ARID4B: variants seen among roughly 807,000 people sequenced by gnomAD.
ARID4B encodes AT-rich interactive domain-containing protein 4B.
In ARID4B, 26 loss-of-function variants were observed where a neutral mutation model predicts 147.5. The observed-to-expected ratio is 0.18, with a 90% confidence interval of 0.13 to 0.24. ARID4B has a LOEUF of 0.24. ARID4B is among the 10% of genes least tolerant of loss of function. The pLI, the probability that ARID4B is intolerant of heterozygous loss-of-function variation, is 1.00. For synonymous variants in ARID4B, 512 were observed against 507.9 expected, an observed-to-expected ratio of 1.01 and a Z score of -0.11; for missense variants, 1,179 against 1,511.5, an observed-to-expected ratio of 0.78 and a Z score of 3.65.
intron 9 of ARID4B, among the ~76,000 whole-genome samples, chr1:235,231,870 G>A (rs892612731): frequency 1.3e-5 from 2 of 152,174 alleles, no homozygotes; most frequent in African/African-American, 2.4e-5. Flanking sequence ...CACTTTGGGA[G>A]GTCAAGGTGG....
intron 2 of ARID4B, among the ~76,000 whole-genome samples, chr1:235,309,499 G>GA (rs935552787): frequency 6.8e-6 from 1 of 147,660 alleles, no homozygotes; most frequent in African/African-American, 2.5e-5. Context: ...GCCCCTACTG[G>GA]AAAGTGAGGA....
chr1:235,174,079 G>A (rs1362667416), intron 22 of ARID4B, among the ~76,000 whole-genome samples: 3 of 148,440 alleles, frequency 2.0e-5, no homozygotes, highest in Admixed American at 6.8e-5. Flanking sequence ...TCACTCTGTC[G>A]CCCAGGCTGG....
rs928728010 is a variant in ARID4B, at chr1:235,167,628, A to C, written c.*897T>G. The C allele has an allele frequency of 4.8e-6, 1 of 210,512 alleles. No homozygotes were observed. Among genetic ancestry groups the C allele is most frequent in the Non-Finnish European group, 9.7e-6 (1 of 103,468 alleles). The allele number at this position is 210,512 out of a possible 1,614,324, so 13.0% of individuals were successfully genotyped here. A position where few individuals can be genotyped will look rare whatever the true frequency, so the allele number is the denominator to read the frequency against. On this transcript the variant is annotated 3_prime_UTR_variant, in exon 24 of 24. Transcript: ENST00000264183. ...TGAAGTCCTTTTGTTGTAGCTCATA[A>C]TAAAATAAGCAATACAAATGAATTA...
Position 235,196,092 on chromosome 1 carries a change from T to C in ARID4B, c.1865A>G (p.Asp622Gly), listed in dbSNP as rs143432745. ...NVRYDEWIKA[D>G]KIVRPADKNV... ...TTTATCAGCAGGTCTTACTATTTTA[T>C]CTGCTTTAATCCATTCATCGTATCT... The change falls in exon 18 of 24, where the codon GAT (aspartate) becomes GGT (glycine). Residue 622 changes from aspartate to glycine, a missense_variant. Physicochemically the swap from Asp to Gly is moderately conservative, Grantham distance 94. Transcript: ENST00000264183. 1 of 1,578,986 alleles carries C rather than the reference T, an allele frequency of 6.3e-7. No homozygotes were observed. Among genetic ancestry groups the C allele is most frequent in the Non-Finnish European group, 8.6e-7 (1 of 1,159,986 alleles).
chr1:235,258,956 A>T (rs951396099), intron 3 of ARID4B, among the ~76,000 whole-genome samples: 2 of 152,210 alleles, frequency 1.3e-5, no homozygotes, highest in Non-Finnish European at 2.9e-5. Context: ...AAATATATTA[A>T]CTTTGAATCA....
intron 7 of ARID4B, among the ~76,000 whole-genome samples, chr1:235,240,832 C>G (rs1444773335): frequency 1.3e-5 from 2 of 152,112 alleles, no homozygotes; most frequent in Admixed American, 1.3e-4. Context: ...AATTCTATAT[C>G]TCCAGTACAA....
Position 235,236,761 on chromosome 1 carries a change from C to A in ARID4B, c.586-2269G>T, listed in dbSNP as rs550623032. On this transcript the variant is annotated intron_variant, in intron 8 of 23. Coordinates refer to ENST00000264183, the MANE Select transcript of ARID4B (RefSeq NM_016374.6). ...CTCCTGACCTCAAGTGATCTGCCCA[C>A]CTCGGCCTCCCAAAGTGCTGGGATT... Among the ~76,000 whole-genome samples the A allele has an allele frequency of 7.0e-5, 10 of 143,732 alleles. 1 individual carries two copies. Among genetic ancestry groups the A allele is most frequent in the Admixed American group, 3.7e-4 (5 of 13,694 alleles). The allele number at this position is 143,732 out of a possible 152,430, so 94.3% of individuals were successfully genotyped here.
chr1:235,234,675 A>G (rs1208350876), intron 8 of ARID4B, among the ~76,000 whole-genome samples, 183 bp from the exon 9 acceptor site: 1 of 152,196 alleles, frequency 6.6e-6, no homozygotes, highest in Non-Finnish European at 1.5e-5. Flanking sequence ...GGCATCCTAC[A>G]TCCTTCCAGC....
intron 2 of ARID4B, among the ~76,000 whole-genome samples, chr1:235,288,189 G>A (rs1023400992): frequency 6.6e-6 from 1 of 152,132 alleles, no homozygotes; most frequent in African/African-American, 2.4e-5. Context: ...GTGGGCACCT[G>A]TAGTCACAGC....
intron 2 of ARID4B, among the ~76,000 whole-genome samples, chr1:235,302,180 G>A (rs1360345852): frequency 5.5e-3 from 218 of 39,320 alleles, no homozygotes; most frequent in Middle Eastern, 0.02. Context: ...AAAAAAAACA[G>A]CAAAAAAAAA....
chr1:235,219,882 T>C lies in ARID4B; in HGVS notation c.1494A>G (p.Glu498=). 6.2e-7 allele frequency: 1 copy of C among 1,602,826 alleles called. No individual in the cohort carries two copies. Among genetic ancestry groups the C allele is most frequent in the Non-Finnish European group, 8.5e-7 (1 of 1,171,852 alleles). ...TGTCATCATCTTTGTCATCCAGATT[T>C]TCATTGTCTTCTGGTTTTTTAATGT... ...EVNIKKPEDN[E]NLDDKDDDTT... Residue 498 remains glutamate (E), a synonymous_variant, in exon 16 of 24, where the codon GAA becomes GAG. Transcript: ENST00000264183.
intron 2 of ARID4B, among the ~76,000 whole-genome samples, chr1:235,262,726 T>C (rs940249506): frequency 6.6e-6 from 1 of 152,042 alleles, no homozygotes; most frequent in Non-Finnish European, 1.5e-5. Context: ...TCCCAGCAAT[T>C]TGGGAGGCCG....
At chr1:235,262,776 A>G (rs938127601) in intron 2 of ARID4B, among the ~76,000 whole-genome samples, 2 of 152,180 alleles carry the variant, frequency 1.3e-5, no homozygotes, top group Non-Finnish European at 2.9e-5. Flanking sequence ...AGATCAGCCC[A>G]AGCAACACAG....
Position 235,219,934 on chromosome 1 carries a change from G to T in ARID4B, c.1442C>A (p.Thr481Lys), listed in dbSNP as rs777821748. Residue 481 changes from threonine to lysine, a missense_variant, in exon 16 of 24, where the codon ACA becomes AAA. This residue lies in a region of ARID4B where 204 missense variants were observed against 210.9 expected (regional missense o/e 0.97). Coordinates refer to ENST00000264183, the MANE Select transcript of ARID4B (RefSeq NM_016374.6). Reference protein sequence around the residue: ...SKKNLLESIPTHSDQEKEVNI... With the variant: ...SKKNLLESIPKHSDQEKEVNI... Reference sequence around the variant, plus strand: ...AACTTCTTTTTCCTGATCAGAATGTGTAGGTATAGATTCTAATAAATTCTT... The same window carrying T: ...AACTTCTTTTTCCTGATCAGAATGTTTAGGTATAGATTCTAATAAATTCTT... The T allele has an allele frequency of 4.4e-6, 7 of 1,573,630 alleles. 1 individual carries two copies. The South Asian group carries it at 8.2e-5, about 18-fold the overall frequency.
Position 235,287,548 on chromosome 1 carries a change from A to G in ARID4B, c.7-26796T>C, listed in dbSNP as rs182851120. Among the ~76,000 whole-genome samples, 5 of 152,334 alleles carry G rather than the reference A, an allele frequency of 3.3e-5. No homozygotes were observed. In the East Asian group the frequency reaches 9.6e-4, roughly 29 times the overall value. ...TTATTTTTATTTTTCTACTTGCCCTAAAGTAATAAACATGCATCACATCAA... is the reference window on the plus strand; with the variant it reads ...TTATTTTTATTTTTCTACTTGCCCTGAAGTAATAAACATGCATCACATCAA... On this transcript the variant is annotated intron_variant, in intron 2 of 23. Transcript: ENST00000264183.
intron 6 of ARID4B, 101 bp from the exon 7 acceptor site, chr1:235,246,612 T>A: frequency 1.3e-6 from 1 of 784,772 alleles, no homozygotes; most frequent in Non-Finnish European, 2.1e-6. Context: ...ATTTTGAGAT[T>A]AAACTCTCCC....
chr1:235,275,020 T>TGTGTGC (rs1553309178), intron 2 of ARID4B, among the ~76,000 whole-genome samples: 7 of 148,644 alleles, frequency 4.7e-5, no homozygotes, highest in African/African-American at 7.5e-5. Context: ...TGTGTGTGTG[T>TGTGTGC]GTGCACGCGC....
At chr1:235,306,391 T>C (rs1480057437) in intron 2 of ARID4B, among the ~76,000 whole-genome samples, 1 of 151,560 alleles carries the variant, frequency 6.6e-6, no homozygotes, top group Admixed American at 6.6e-5. Context: ...TAGTCCCAGT[T>C]ACTCGGGAGG....
At chr1:235,184,460 G>A (rs980010195) in intron 19 of ARID4B, among the ~76,000 whole-genome samples, 1 of 151,986 alleles carries the variant, frequency 6.6e-6, no homozygotes, top group Non-Finnish European at 1.5e-5. Context: ...AAGGGACTGG[G>A]GTTTAGAGGT....
Sources: allele counts gnomAD v4.1 joint callset (sites outside exome capture counted in the v4.1 genomes callset), GRCh38; gene constraint gnomAD v4.1.1; regional missense constraint gnomAD v4.1.1; transcripts MANE v1.5; gene names NCBI Gene and HGNC (gene_info 2026-07-23, HGNC 2026-07-21).